The following CCDC92 variants were observed in gnomAD, a reference collection of about 807,000 sequenced individuals.
CCDC92 encodes the protein coiled-coil domain containing 92.
CCDC92 carries 12 observed loss-of-function variants against 24.9 expected under a neutral mutation model. The ratio of observed to expected loss-of-function variants is 0.48; its 90% CI spans 0.31 to 0.78. The LOEUF is 0.78. CCDC92 is among the 30% of genes least tolerant of loss of function. CCDC92 has a pLI of 0.05. For missense variants in CCDC92, 399 were observed against 439.4 expected (o/e 0.91, Z 0.82); for synonymous variants, 193 against 196.3 (o/e 0.98, Z 0.14).
chr12:123,944,585 CTCA>C (rs1055453241), intron 1 of CCDC92: 22 of 392,110 alleles, frequency 5.6e-5, no homozygotes, highest in Non-Finnish European at 8.5e-5. Context: ...ACACCAATTG[CTCA>C]TCAATTATCT....
chr12:123,963,472 G>A (rs1286752059), intron 1 of CCDC92, among the ~76,000 whole-genome samples: 1 of 152,218 alleles, frequency 6.6e-6, no homozygotes, highest in African/African-American at 2.4e-5. Context: ...CAGGAGTGCA[G>A]AAAGGGACTA....
At chr12:123,952,652 TAGTA>T (rs1342445361) in intron 1 of CCDC92, among the ~76,000 whole-genome samples, 2 of 152,198 alleles carry the variant, frequency 1.3e-5, no homozygotes, top group Non-Finnish European at 2.9e-5. Context: ...GAAATTCAAT[TAGTA>T]AGTGAGCTGA....
Position 123,943,432 on chromosome 12 carries a change from C to A in CCDC92, c.96G>T (p.Lys32Asn), listed in dbSNP as rs748663267. ...NLENQLHSAQ[K>N]NLLFLQREHA... is the part of the protein sequence containing the mutation. The stretch of plus-strand genomic sequence containing the variant: ...GCTCCCGCTGAAGGAACAGGAGGTT[C>A]TTCTGTGCGCTGTGCAGCTGGTTCT... Residue 32 changes from lysine (K) to asparagine (N), a missense_variant, in exon 3 of 5, where the codon AAG becomes AAT. Transcript: ENST00000238156. 5.6e-6 allele frequency: 9 copies of A among 1,614,214 alleles called. No homozygotes were observed. In the South Asian group the frequency reaches 8.8e-5, roughly 16 times the overall value.
chr12:123,962,475 A>T (rs1427532690), intron 1 of CCDC92: 1 of 152,250 alleles, frequency 6.6e-6, no homozygotes, highest in East Asian at 1.9e-4. Flanking sequence ...TTGAAGACAA[A>T]CACTTTTAAG....
Position 123,944,346 on chromosome 12 carries a change from T to C in CCDC92, c.-41A>G. 2 of 1,506,082 alleles carry C rather than the reference T, an allele frequency of 1.3e-6. No individual in the cohort carries two copies. Among genetic ancestry groups the C allele is most frequent in the South Asian group, 2.6e-5 (2 of 77,536 alleles). The allele number at this position is 1,506,082 out of a possible 1,614,324, so 93.3% of individuals were successfully genotyped here. A position where few individuals can be genotyped will look rare whatever the true frequency, so the allele number is the denominator to read the frequency against. On this transcript the variant is annotated 5_prime_UTR_variant, in exon 2 of 5. Coordinates refer to ENST00000238156, the MANE Select transcript of CCDC92 (RefSeq NM_025140.3). ...AGCTACCAGAGTAATTCAAGACGCT[T>C]GTACAGCACTGAAAAATACTGAGGA...
rs1955777052 is a variant in CCDC92, at chr12:123,944,201, GT to G, written c.34+70del. The G allele has an allele frequency of 3.1e-6, 3 of 960,542 alleles. No individual in the cohort carries two copies. The East Asian group carries it at 7.2e-5, about 23-fold the overall frequency. The allele number at this position is 960,542 out of a possible 1,614,324, so 59.5% of individuals were successfully genotyped here. ...GGGGTGGTGCAGGTGTCTGGAGTCT[GT>G]CCCCAATGCTTGGCCCCTCCCAGCC... is the stretch of plus-strand genomic sequence containing the variant. On this transcript the variant is annotated intron_variant, in intron 2 of 4. Transcript: ENST00000238156.
At position 123,944,357 on chromosome 12, in the gene CCDC92, G is replaced by GA; in HGVS notation, c.-53dup. 1.4e-6 allele frequency: 2 copies of GA among 1,454,040 alleles called. No individual in the cohort carries two copies. The highest frequency in any genetic ancestry group is 1.8e-6 in the Non-Finnish European group (2 of 1,090,914). 90.1% of individuals were successfully genotyped at this position (1,454,040 alleles called of 1,614,324 possible). A position where few individuals can be genotyped will look rare whatever the true frequency, so the allele number is the denominator to read the frequency against. ...TAATTCAAGACGCTTGTACAGCACT[G>GA]AAAAATACTGAGGATGAAATGTGAG... On this transcript the variant is annotated 5_prime_UTR_variant, in exon 2 of 5. Coordinates refer to ENST00000238156, the MANE Select transcript of CCDC92 (RefSeq NM_025140.3).
rs749246927 is a variant in CCDC92, at chr12:123,937,037, C to CG, written c.*20dup. 6.2e-7 allele frequency: 1 copy of CG among 1,612,970 alleles called. No homozygotes were observed. Among genetic ancestry groups the CG allele is most frequent in the Non-Finnish European group, 8.5e-7 (1 of 1,179,758 alleles). ...TGGTGCTCACAGTGCATGGACAGCGCGGGGTGGGGCACGGCGGGCTTCACA... is the reference window on the plus strand; with the variant it reads ...TGGTGCTCACAGTGCATGGACAGCGCGGGGGTGGGGCACGGCGGGCTTCACA... On this transcript the variant is annotated 3_prime_UTR_variant, in exon 5 of 5. Coordinates refer to ENST00000238156, the MANE Select transcript of CCDC92 (RefSeq NM_025140.3). This position sits in a 1 kb window ranked among gnomAD's most constrained non-coding sequence, Gnocchi z 8.4.
chr12:123,947,546 A>T (rs187683351), intron 1 of CCDC92, among the ~76,000 whole-genome samples: 88 of 152,246 alleles, frequency 5.8e-4, no homozygotes, highest in Admixed American at 9.8e-4. Flanking sequence ...TGTCTAGCTC[A>T]GGGTTTGTGA....
chr12:123,964,298 T>C (rs1449711008), intron 1 of CCDC92, among the ~76,000 whole-genome samples: 1 of 152,024 alleles, frequency 6.6e-6, no homozygotes, highest in Non-Finnish European at 1.5e-5. Flanking sequence ...GCTATTCCAA[T>C]ATAACACAGA....
In CCDC92 at chr12:123,942,725, T is replaced by C. The variant is rs2137914241; in HGVS notation, c.223+19A>G. The C allele has an allele frequency of 1.3e-6, 2 of 1,595,372 alleles. No individual in the cohort carries two copies. Among genetic ancestry groups the C allele is most frequent in the East Asian group, 4.5e-5 (2 of 44,812 alleles). On this transcript the variant is annotated intron_variant, in intron 4 of 4. Transcript: ENST00000238156. The stretch of plus-strand genomic sequence containing the variant: ...AAAGGGAAACCTACTGTCATTTACT[T>C]CTGGGGAGGAGTTCTTACCTGTCTG...
intron 1 of CCDC92, among the ~76,000 whole-genome samples, chr12:123,952,231 G>A (rs1956044275): frequency 6.6e-6 from 1 of 152,150 alleles, no homozygotes; most frequent in East Asian, 1.9e-4. Flanking sequence ...AGCCAACTAG[G>A]GCATTTCCTG....
intron 1 of CCDC92, among the ~76,000 whole-genome samples, chr12:123,950,138 A>G (rs1367437511): frequency 1.3e-5 from 2 of 152,264 alleles, no homozygotes; most frequent in Non-Finnish European, 2.9e-5. Flanking sequence ...CCTAGCCCGC[A>G]GGTGATGTGG....
chr12:123,944,261 C>T lies in CCDC92; in HGVS notation c.34+11G>A. ...CAGCATCTGATGCTCACTCAGGGCC[C>T]CAGACTCTACCTTCATCGTAACTCG... On this transcript the variant is annotated intron_variant, in intron 2 of 4. Transcript: ENST00000238156. The T allele has an allele frequency of 6.4e-7, 1 of 1,568,986 alleles. No homozygotes were observed. Among genetic ancestry groups the T allele is most frequent in the Non-Finnish European group, 8.7e-7 (1 of 1,143,622 alleles).
chr12:123,941,444 A>G (rs887747567), intron 4 of CCDC92, among the ~76,000 whole-genome samples: 11 of 152,210 alleles, frequency 7.2e-5, no homozygotes, highest in Non-Finnish European at 1.5e-4. Context: ...GCAAATGGAA[A>G]AAAATCAGTG....
chr12:123,937,263 A>G lies in CCDC92; in HGVS notation c.791T>C (p.Val264Ala). The G allele has an allele frequency of 6.2e-7, 1 of 1,611,760 alleles. No homozygotes were observed. Among genetic ancestry groups the G allele is most frequent in the Non-Finnish European group, 8.5e-7 (1 of 1,179,808 alleles). Residue 264 changes from valine (V) to alanine (A), a missense_variant, in exon 5 of 5, where the codon GTC becomes GCC. Transcript: ENST00000238156. The surrounding 1 kb of genome is among the most constrained non-coding windows in gnomAD (Gnocchi z 8.4). ...TCGGTCGGAGGCGATGGGGGGGATG[A>G]CGAGGGGCCTCTCTTTGATGAGGTG... The part of the protein sequence containing the change: ...EVHLIKERPL[V>A]IPPIASDRSG...
Position 123,935,738 on chromosome 12 carries a change from T to C in CCDC92, c.*1320A>G, listed in dbSNP as rs775508759. 1 of 368,022 alleles carries C rather than the reference T, an allele frequency of 2.7e-6. No homozygotes were observed. Among genetic ancestry groups the C allele is most frequent in the Non-Finnish European group, 4.8e-6 (1 of 208,542 alleles). 22.8% of individuals were successfully genotyped at this position (368,022 alleles called of 1,614,324 possible). ...TATTTTAAGATGTGTGGAGTTTTCT[T>C]TTCCTTCTCAGAGAAAACACTTGAT... On this transcript the variant is annotated 3_prime_UTR_variant, in exon 5 of 5. Transcript: ENST00000238156.
intron 3 of CCDC92, 131 bp downstream of exon 3, chr12:123,943,216 T>C: frequency 1.1e-6 from 1 of 914,180 alleles, no homozygotes; most frequent in Non-Finnish European, 1.6e-6. Flanking sequence ...GAGGATGATA[T>C]AAGGCATTCA....
rs1955551240 is a variant in CCDC92 at position 123,937,496 on chromosome 12, C to A, written c.558G>T (p.Leu186=). 1.2e-6 allele frequency: 2 copies of A among 1,612,672 alleles called. No individual in the cohort carries two copies. The highest frequency in any genetic ancestry group is 4.5e-5 in the East Asian group (2 of 44,858). Residue 186 remains leucine, a synonymous_variant, in exon 5 of 5, where the codon CTG becomes CTT. Transcript: ENST00000238156. This position sits in a 1 kb window ranked among gnomAD's most constrained non-coding sequence, Gnocchi z 8.4. ...SDASPSGSPV[L]ASYKPAPPKD... is the part of the protein sequence containing the mutation. The stretch of plus-strand genomic sequence containing the variant: ...TGGGGGGCGCTGGCTTGTAGCTGGC[C>A]AGCACGGGGCTCCCTGACGGGCTGG...
Sources: gnomAD v4.1 joint callset for allele counts (sites outside exome capture counted in the v4.1 genomes callset) on GRCh38, gnomAD v4.1.1 for gene constraint, Gnocchi (gnomAD v3.1) non-coding constraint, MANE v1.5 for transcripts, NCBI Gene and HGNC (gene_info 2026-07-23, HGNC 2026-07-21) for gene names.